CMIP: variants seen among roughly 807,000 people sequenced by gnomAD.
The protein encoded by CMIP is C-Maf-inducing protein.
Under a neutral mutation model 97.3 loss-of-function variants are expected in CMIP, and 13 were observed. The observed-to-expected ratio is 0.13, with a 90% CI of 0.09 to 0.21. The LOEUF (loss-of-function observed/expected upper bound fraction) is 0.21, where lower values mean the gene tolerates loss of function less well. Among genes scored for constraint, CMIP ranks in the 10% least tolerant of loss-of-function variants. The probability of loss-of-function intolerance (pLI) is 1.00; values close to 1 mark genes in which losing one functional copy is unlikely to be tolerated. For synonymous variants in CMIP, 538 were observed against 436.3 expected, an observed-to-expected ratio of 1.23 and a Z score of -2.91; for missense variants, 847 against 1,024.9, an observed-to-expected ratio of 0.83 and a Z score of 2.37.
intron 1 of CMIP, among the ~76,000 whole-genome samples, chr16:81,467,327 A>G (rs1378356608): frequency 1.3e-5 from 2 of 152,160 alleles, no homozygotes; most frequent in Non-Finnish European, 2.9e-5. Context: ...AAGCCTGCCT[A>G]GTGAGGCAGG....
chr16:81,546,273 G>T (rs2090544939), intron 1 of CMIP, among the ~76,000 whole-genome samples: 1 of 152,142 alleles, frequency 6.6e-6, no homozygotes, highest in Admixed American at 6.5e-5. Context: ...ATGGTGTCCT[G>T]GGAGAGCAGG....
chr16:81,608,942 A>G (rs1009516620), intron 2 of CMIP, among the ~76,000 whole-genome samples: 5 of 152,200 alleles, frequency 3.3e-5, no homozygotes, highest in African/African-American at 1.2e-4. Context: ...TCTAGCAGCC[A>G]CTGGATTGTG....
intron 1 of CMIP, among the ~76,000 whole-genome samples, chr16:81,487,422 A>G (rs748459384): frequency 3.9e-5 from 6 of 152,150 alleles, no homozygotes; most frequent in Admixed American, 3.9e-4. Context: ...ACCAAACCAC[A>G]CAGCCCTTGA....
At chr16:81,500,409 CCCT>C (rs2089585202) in intron 1 of CMIP, among the ~76,000 whole-genome samples, 1 of 130,244 alleles carries the variant, frequency 7.7e-6, no homozygotes, top group Non-Finnish European at 1.7e-5. Context: ...CTCCTTCTCT[CCCT>C]CCTCCCTCCC....
intron 14 of CMIP, 157 bp downstream of exon 14, chr16:81,696,824 T>C: frequency 3.0e-6 from 2 of 671,240 alleles, no homozygotes; most frequent in South Asian, 3.8e-5. Flanking sequence ...GTGGTGGTGA[T>C]GGTGACCGTG....
chr16:81,705,735 T>C, intron 19 of CMIP, 131 bp downstream of exon 19: 1 of 618,140 alleles, frequency 1.6e-6, no homozygotes, highest in Non-Finnish European at 2.9e-6. Flanking sequence ...ACAAACGTGT[T>C]CACTGCACAC....
At chr16:81,494,621 C>T (rs1298783557) in intron 1 of CMIP, among the ~76,000 whole-genome samples, 1 of 152,102 alleles carries the variant, frequency 6.6e-6, no homozygotes, top group Admixed American at 6.5e-5. Context: ...CATGGGGGAC[C>T]CCCGGGGCCG....
chr16:81,586,592 A>G (rs1406195458), intron 1 of CMIP, among the ~76,000 whole-genome samples: 1 of 152,040 alleles, frequency 6.6e-6, no homozygotes. Context: ...TGTAATCGAG[A>G]TTTAATCAGT....
rs552138933 is a variant in CMIP at position 81,616,802 on chromosome 16, T to C, written c.427-4074T>C. 6.6e-6 allele frequency among the ~76,000 whole-genome samples: 1 copy of C among 152,334 alleles called. No individual in the cohort carries two copies. The highest frequency in any genetic ancestry group is 2.1e-4 in the South Asian group (1 of 4,826). On this transcript the variant is annotated intron_variant, in intron 2 of 20. Coordinates refer to ENST00000537098, the MANE Select transcript of CMIP (RefSeq NM_198390.3). The surrounding 1 kb of genome is among the most constrained non-coding windows in gnomAD (Gnocchi z 4.7). ...AGAGACTGATGTGTAGCAGTGTCTG[T>C]GGTCAGTGGCTCTGAAGAAATCCGT...
intron 1 of CMIP, among the ~76,000 whole-genome samples, chr16:81,486,651 C>T (rs1053214878): frequency 1.3e-5 from 2 of 152,164 alleles, no homozygotes; most frequent in Non-Finnish European, 2.9e-5. Flanking sequence ...GCCCATTGCC[C>T]GGTCCCCAGA....
chr16:81,545,214 G>C lies in CMIP; in HGVS notation c.301-62353G>C, dbSNP rs551923326. ...TGCCTTAGCTTCTTCCATCCTTTGA[G>C]ACAGGCTGACCACAGGTACTGTGGT... On this transcript the variant is annotated intron_variant, in intron 1 of 20. Transcript: ENST00000537098. Among the ~76,000 whole-genome samples the C allele has an allele frequency of 2.6e-3, 401 of 152,288 alleles. 2 individuals carry two copies. Among genetic ancestry groups the C allele is most frequent in the African/African-American group, 9.1e-3 (380 of 41,540 alleles).
intron 1 of CMIP, among the ~76,000 whole-genome samples, chr16:81,572,895 G>A (rs963289350): frequency 9.9e-5 from 15 of 152,240 alleles, no homozygotes; most frequent in Middle Eastern, 3.4e-3. Context: ...AACCCCCTCC[G>A]TCTCAGACAC....
intron 1 of CMIP, among the ~76,000 whole-genome samples, chr16:81,503,571 AT>A (rs1297833374): frequency 6.6e-6 from 1 of 151,946 alleles, no homozygotes; most frequent in Non-Finnish European, 1.5e-5. Context: ...TAATTTTTAA[AT>A]TTTTTTGTAC....
At chr16:81,669,561 TTCCTTCCACACCCACCTCTCACC>T (rs1567649010) in intron 7 of CMIP, among the ~76,000 whole-genome samples, 14 of 96,706 alleles carry the variant, frequency 1.4e-4, no homozygotes, top group African/African-American at 3.6e-4. Flanking sequence ...CACTTCATAC[TTCCTTCCACACCCACCTCTCACC>T]TCCTTCCACA....
chr16:81,514,952 T>C (rs953496944), intron 1 of CMIP, among the ~76,000 whole-genome samples: 2 of 152,218 alleles, frequency 1.3e-5, no homozygotes. Context: ...GAAAATGCGA[T>C]GAACACTCCC....
intron 10 of CMIP, among the ~76,000 whole-genome samples, chr16:81,686,756 G>C (rs527386292): frequency 1.3e-5 from 2 of 152,284 alleles, no homozygotes; most frequent in Non-Finnish European, 2.9e-5. Flanking sequence ...GCCTGTTGTC[G>C]ATGGGAGTGA....
chr16:81,706,785 G>T lies in CMIP; in HGVS notation c.2198-229G>T, dbSNP rs570720061. Among the ~76,000 whole-genome samples the T allele has an allele frequency of 3.3e-5, 5 of 152,330 alleles. No individual in the cohort carries two copies. In the South Asian group the frequency reaches 1.0e-3, roughly 32 times the overall value. The stretch of plus-strand genomic sequence containing the variant: ...AGGGACCAGAAGGGAGGGAGGCTCA[G>T]AGGGTGGGAAGAAAACGAAGGCTCT... On this transcript the variant is annotated intron_variant, in intron 19 of 20. Coordinates refer to ENST00000537098, the MANE Select transcript of CMIP (RefSeq NM_198390.3).
At chr16:81,548,781 G>T (rs2090599083) in intron 1 of CMIP, among the ~76,000 whole-genome samples, 1 of 152,168 alleles carries the variant, frequency 6.6e-6, no homozygotes, top group East Asian at 1.9e-4. Context: ...ATGAGTTCAA[G>T]GCTGCAGTGA....
At chr16:81,569,892 G>A (rs2091052593) in intron 1 of CMIP, among the ~76,000 whole-genome samples, 1 of 152,212 alleles carries the variant, frequency 6.6e-6, no homozygotes. Flanking sequence ...TGTGTGTCTA[G>A]CGCCTGTACT....
Sources: allele counts gnomAD v4.1 joint callset (sites outside exome capture counted in the v4.1 genomes callset), GRCh38; gene constraint gnomAD v4.1.1; non-coding constraint Gnocchi (gnomAD v3.1); transcripts MANE v1.5; gene names NCBI Gene and HGNC (gene_info 2026-07-23, HGNC 2026-07-21).